Variants in CLSTN1 observed in about 807,000 individuals in gnomAD.
The protein encoded by CLSTN1 is calsyntenin 1, also known as calsyntenin-1.
CLSTN1 carries 28 observed loss-of-function variants against 108.3 expected under a neutral mutation model. The observed-to-expected ratio is 0.26, with a 90% CI of 0.19 to 0.35. The LOEUF (loss-of-function observed/expected upper bound fraction) is 0.35. Among genes scored for constraint, CLSTN1 ranks in the 10% least tolerant of loss-of-function variants. CLSTN1 has a pLI of 1.00. For missense variants in CLSTN1, 1,157 were observed against 1,302.6 expected, an observed-to-expected ratio of 0.89 and a Z score of 1.72; for synonymous variants, 524 against 534.9, an observed-to-expected ratio of 0.98 and a Z score of 0.28.
intron 11 of CLSTN1, 101 bp from the exon 12 acceptor site, chr1:9,736,143 G>A (rs1308796945): frequency 1.4e-6 from 2 of 1,409,082 alleles, no homozygotes; most frequent in African/African-American, 1.4e-5. Context: ...CAGCTCAGTG[G>A]ATGGACATGC....
intron 15 of CLSTN1, 67 bp from the exon 16 acceptor site, chr1:9,733,613 C>T (rs756589603): frequency 3.0e-5 from 48 of 1,589,912 alleles, no homozygotes; most frequent in East Asian, 9.0e-5. Context: ...GGGCTGCAGC[C>T]GTCAGCACAG....
intron 1 of CLSTN1, among the ~76,000 whole-genome samples, chr1:9,792,222 C>T (rs1175487608): frequency 1.3e-5 from 2 of 150,878 alleles, no homozygotes; most frequent in African/African-American, 4.8e-5. Flanking sequence ...ACAAAAAAAA[C>T]AGGCCAGGCA....
At chr1:9,808,036 C>G (rs60506383) in intron 1 of CLSTN1, among the ~76,000 whole-genome samples, 4 of 152,230 alleles carry the variant, frequency 2.6e-5, no homozygotes, top group Non-Finnish European at 4.4e-5. Flanking sequence ...CACCACTCCA[C>G]CTTAACCAGC....
At chr1:9,778,223 AACACAC>A (rs57372437) in intron 1 of CLSTN1, among the ~76,000 whole-genome samples, 6,324 of 134,456 alleles carry the variant, frequency 0.047, 222 homozygotes, top group East Asian at 0.13. Context: ...TCTCCTCCCC[AACACAC>A]ACACACACAC....
At chr1:9,735,641 GAGA>G (rs1557690625) in intron 12 of CLSTN1, 26 bp from the exon 13 acceptor site, 4 of 1,613,454 alleles carry the variant, frequency 2.5e-6, no homozygotes, top group South Asian at 1.1e-5. Context: ...CCACAGAGAG[GAGA>G]AGAATAAGCC....
chr1:9,745,753 ATC>A (rs894276553), intron 7 of CLSTN1, among the ~76,000 whole-genome samples: 2 of 145,272 alleles, frequency 1.4e-5, no homozygotes, highest in African/African-American at 2.6e-5. Context: ...AATTTAAACT[ATC>A]TGAATAGTTG....
chr1:9,732,913 G>A (rs1031782615), intron 16 of CLSTN1, among the ~76,000 whole-genome samples: 1 of 152,226 alleles, frequency 6.6e-6, no homozygotes, highest in Non-Finnish European at 1.5e-5. Flanking sequence ...GTCTTTGGCT[G>A]GGCACAGTGG....
intron 7 of CLSTN1, among the ~76,000 whole-genome samples, chr1:9,748,912 G>A (rs1392231318): frequency 6.6e-6 from 1 of 151,982 alleles, no homozygotes. Context: ...CAAATCAGTG[G>A]TTCTTTTTTT....
Position 9,731,359 on chromosome 1 carries a change from C to A in CLSTN1, c.2595G>T (p.Val865=). The change falls in exon 18 of 19, where the codon GTG becomes GTT. Residue 865 remains valine (V), a synonymous_variant. Transcript: ENST00000377298. The stretch of plus-strand genomic sequence containing the variant: ...TGAACACCAGGAAGCTGACGCACAC[C>A]ACGATCACAACTGTCGCAGTGCTGG... ...VVPSTATVVI[V]VCVSFLVFMI... is the part of the protein sequence containing the mutation. 12 of 1,614,260 alleles carry A rather than the reference C, an allele frequency of 7.4e-6. No homozygotes were observed. Among genetic ancestry groups the A allele is most frequent in the Non-Finnish European group, 1.0e-5 (12 of 1,180,050 alleles).
intron 1 of CLSTN1, among the ~76,000 whole-genome samples, chr1:9,784,964 G>A (rs906690797): frequency 1.3e-5 from 2 of 151,354 alleles, no homozygotes; most frequent in African/African-American, 4.9e-5. Flanking sequence ...CATTATCTCT[G>A]GGTCTCTAAG....
At chr1:9,795,712 G>C (rs999394335) in intron 1 of CLSTN1, among the ~76,000 whole-genome samples, 3 of 151,342 alleles carry the variant, frequency 2.0e-5, no homozygotes, top group African/African-American at 7.2e-5. Context: ...CCAGCACTTT[G>C]GGGAGGCCAA....
intron 1 of CLSTN1, among the ~76,000 whole-genome samples, chr1:9,799,663 C>T (rs1444788177): frequency 1.4e-5 from 2 of 145,638 alleles, no homozygotes; most frequent in African/African-American, 5.1e-5. Flanking sequence ...AAAAAAAATG[C>T]CAGGCGCGGT....
chr1:9,734,017 TCTG>T lies in CLSTN1; in HGVS notation c.2233_2235del (p.Gln745del), dbSNP rs1369990636. On this transcript the variant is annotated inframe_deletion, in exon 15 of 19. Coordinates refer to ENST00000377298, the MANE Select transcript of CLSTN1 (RefSeq NM_001009566.3). This position sits in a 1 kb window ranked among gnomAD's most constrained non-coding sequence, Gnocchi z 4.8. Reference sequence around the variant, plus strand: ...TCAGAGCTGCTCACTTCAATGCCCTTCTGCTGCAGGCGGGCCATGTCCACCTCC... The same window carrying T: ...TCAGAGCTGCTCACTTCAATGCCCTTCTGCAGGCGGGCCATGTCCACCTCC... 1.2e-6 allele frequency: 2 copies of T among 1,614,016 alleles called. No homozygotes were observed. The highest frequency in any genetic ancestry group is 1.7e-6 in the Non-Finnish European group (2 of 1,180,036).
Position 9,730,556 on chromosome 1 carries a change from T to C in CLSTN1, c.2898A>G (p.Ala966=). The change falls in exon 19 of 19, where the codon GCA becomes GCG. Residue 966 remains alanine (A), a synonymous_variant. Coordinates refer to ENST00000377298, the MANE Select transcript of CLSTN1 (RefSeq NM_001009566.3). The surrounding 1 kb of genome is among the most constrained non-coding windows in gnomAD (Gnocchi z 5.6). ...CCCACTCCAGCTGCTGCTGCCGGGT[T>C]GCGTTCTGGGGGTCGCCCTGCTCCC... ...EEGEQGDPQN[A]TRQQQLEWDD... is the part of the protein sequence containing the mutation. 6.2e-7 allele frequency: 1 copy of C among 1,608,128 alleles called. No homozygotes were observed.
intron 15 of CLSTN1, 118 bp downstream of exon 15, chr1:9,733,854 C>T (rs533055381): frequency 4.5e-6 from 5 of 1,105,012 alleles, no homozygotes; most frequent in Admixed American, 4.4e-5. Flanking sequence ...CGTGCTCCTT[C>T]CCCATCTCCC....
intron 2 of CLSTN1, among the ~76,000 whole-genome samples, chr1:9,758,063 G>A (rs12742476): frequency 3.3e-5 from 5 of 151,916 alleles, no homozygotes; most frequent in African/African-American, 1.2e-4. Flanking sequence ...ACAAGATCTC[G>A]GCTCACTGCA....
At position 9,744,397 on chromosome 1, in the gene CLSTN1, G is replaced by C. The variant is rs1218756753; in HGVS notation, c.1232C>G (p.Thr411Arg). 1.2e-6 allele frequency: 2 copies of C among 1,607,846 alleles called. No homozygotes were observed. Among genetic ancestry groups the C allele is most frequent in the Admixed American group, 3.3e-5 (2 of 59,916 alleles). Reference protein sequence around the residue: ...KETILCSSDKTDMNRHHYSLY... With the variant: ...KETILCSSDKRDMNRHHYSLY... ...CGCTTGCAGAGCTATTACCCTACCT[G>C]TTTTATCAGAACTGCAAAGAATTGT... is the stretch of plus-strand genomic sequence containing the variant. Residue 411 changes from threonine to arginine, a missense_variant and splice_region_variant, in exon 8 of 19, where the codon ACA becomes AGA. Coordinates refer to ENST00000377298, the MANE Select transcript of CLSTN1 (RefSeq NM_001009566.3).
chr1:9,733,761 C>T (rs1167565232), intron 15 of CLSTN1, among the ~76,000 whole-genome samples: 1 of 152,172 alleles, frequency 6.6e-6, no homozygotes, highest in Non-Finnish European at 1.5e-5. Context: ...CTCAACCCTC[C>T]CCCTTTAGAG....
chr1:9,820,859 A>C (rs920099876), intron 1 of CLSTN1, among the ~76,000 whole-genome samples: 1 of 152,224 alleles, frequency 6.6e-6, no homozygotes, highest in African/African-American at 2.4e-5. Context: ...TGTTGCAGGG[A>C]AACAGGATTT....
Sources: gnomAD v4.1 joint callset for allele counts (sites outside exome capture counted in the v4.1 genomes callset) on GRCh38, gnomAD v4.1.1 for gene constraint, Gnocchi (gnomAD v3.1) non-coding constraint, MANE v1.5 for transcripts, NCBI Gene and HGNC (gene_info 2026-07-23, HGNC 2026-07-21) for gene names.